Variants in FOXO3 observed in about 807,000 individuals in gnomAD.
The protein encoded by FOXO3 is forkhead box protein O3.
Under a neutral mutation model 41.9 loss-of-function variants are expected in FOXO3, and 4 were observed. That is an observed-to-expected ratio of 0.10 (90% CI 0.05 to 0.22). The LOEUF is 0.22. FOXO3 is among the 10% of genes least tolerant of loss of function. The pLI is 1.00. For missense variants in FOXO3, 534 were observed against 906.8 expected, an observed-to-expected ratio of 0.59 and a Z score of 5.28; for synonymous variants, 318 against 389.3, an observed-to-expected ratio of 0.82 and a Z score of 2.16.
intron 2 of FOXO3, among the ~76,000 whole-genome samples, chr6:108,674,970 C>T (rs1770526050): frequency 6.6e-6 from 1 of 152,150 alleles, no homozygotes; most frequent in African/African-American, 2.4e-5. Flanking sequence ...TACTAAATCT[C>T]TGCAACTTTG....
At chr6:108,656,274 G>T (rs1233275261) in intron 1 of FOXO3, 3 of 596,910 alleles carry the variant, frequency 5.0e-6, no homozygotes, top group East Asian at 2.8e-4. Context: ...AAGATAAATT[G>T]ATACCACATG....
At chr6:108,677,048 G>A (rs1272044438) in intron 2 of FOXO3, among the ~76,000 whole-genome samples, 1 of 152,200 alleles carries the variant, frequency 6.6e-6, no homozygotes, top group Non-Finnish European at 1.5e-5. Context: ...TTTGTCCTCT[G>A]CAAGAGTTGC....
intron 1 of FOXO3, among the ~76,000 whole-genome samples, chr6:108,653,516 G>T (rs1042904919): frequency 2.0e-5 from 3 of 152,168 alleles, no homozygotes; most frequent in African/African-American, 7.2e-5. Flanking sequence ...TTGGATTCAG[G>T]TGTGGCACTG....
rs1396177493 is a variant in FOXO3 at position 108,683,390 on chromosome 6, C to A, written c.*3598C>A. On this transcript the variant is annotated 3_prime_UTR_variant, in exon 3 of 3. Transcript: ENST00000406360. Reference sequence around the variant, plus strand: ...TGAACCCCACTTAAAGAATAAGGAGCATTTGAATCTCTTGGAAAAGGCCAT... The same window carrying A: ...TGAACCCCACTTAAAGAATAAGGAGAATTTGAATCTCTTGGAAAAGGCCAT... The A allele has an allele frequency of 6.6e-6, 1 of 152,100 alleles. No individual in the cohort carries two copies. Among genetic ancestry groups the A allele is most frequent in the South Asian group, 2.1e-4 (1 of 4,830 alleles). 9.4% of individuals were successfully genotyped at this position (152,100 alleles called of 1,614,324 possible).
At chr6:108,666,385 G>C (rs977200907) in intron 2 of FOXO3, among the ~76,000 whole-genome samples, 5 of 151,734 alleles carry the variant, frequency 3.3e-5, no homozygotes, top group Admixed American at 2.0e-4. Flanking sequence ...TCCCAGGCTG[G>C]AGTACAGTGG....
At chr6:108,625,549 G>A (rs1338603881) in intron 1 of FOXO3, among the ~76,000 whole-genome samples, 5 of 152,134 alleles carry the variant, frequency 3.3e-5, no homozygotes, top group Non-Finnish European at 7.4e-5. Flanking sequence ...AAGATTTGAT[G>A]GTTAAAAAGA....
In FOXO3 at chr6:108,605,408, C is replaced by T. The variant is rs184517051; in HGVS notation, c.621+43579C>T. Among the ~76,000 whole-genome samples, 37 of 143,216 alleles carry T rather than the reference C, an allele frequency of 2.6e-4. No individual in the cohort carries two copies. The East Asian group carries it at 5.4e-3, about 21-fold the overall frequency. The allele number at this position is 143,216 out of a possible 152,430, so 94.0% of individuals were successfully genotyped here. A position where few individuals can be genotyped will look rare whatever the true frequency, so the allele number is the denominator to read the frequency against. On this transcript the variant is annotated intron_variant, in intron 1 of 2. Coordinates refer to ENST00000406360, the MANE Select transcript of FOXO3 (RefSeq NM_001455.4). ...CTGGGATTACAGGTGTGAGCCACCG[C>T]GCCCAGTCCTACTATTTTTTTTCAT... is the stretch of plus-strand genomic sequence containing the variant.
At chr6:108,583,437 G>A (rs148627236) in intron 1 of FOXO3, among the ~76,000 whole-genome samples, 1 of 152,314 alleles carries the variant, frequency 6.6e-6, no homozygotes, top group East Asian at 1.9e-4. Flanking sequence ...TATATTGCAT[G>A]TAATGTTTCC....
At chr6:108,652,974 A>G (rs1215247869) in intron 1 of FOXO3, among the ~76,000 whole-genome samples, 1 of 152,214 alleles carries the variant, frequency 6.6e-6, no homozygotes, top group Non-Finnish European at 1.5e-5. Context: ...CGAGTAGCAC[A>G]CACCCTATCA....
At position 108,610,776 on chromosome 6, in the gene FOXO3, G is replaced by T. The variant is rs185881257; in HGVS notation, c.621+48947G>T. 1.4e-3 allele frequency among the ~76,000 whole-genome samples: 206 copies of T among 152,128 alleles called. 2 individuals are homozygous for T. The highest frequency in any genetic ancestry group is 4.6e-3 in the African/African-American group (191 of 41,472). On this transcript the variant is annotated intron_variant, in intron 1 of 2. Coordinates refer to ENST00000406360, the MANE Select transcript of FOXO3 (RefSeq NM_001455.4). ...TAATCCTGCTGTTTTTGTGGCATTT[G>T]GATAATTTTACAGTGACATAAAATT...
At chr6:108,657,490 A>G (rs1401733707) in intron 1 of FOXO3, among the ~76,000 whole-genome samples, 1 of 152,198 alleles carries the variant, frequency 6.6e-6, no homozygotes, top group Non-Finnish European at 1.5e-5. Context: ...TAAGGAAGGC[A>G]CATCCCTAGT....
At chr6:108,642,434 G>A (rs191239500) in intron 1 of FOXO3, among the ~76,000 whole-genome samples, 1 of 152,168 alleles carries the variant, frequency 6.6e-6, no homozygotes, top group Admixed American at 6.5e-5. Context: ...TGGCAAGGGG[G>A]ACTGCTGATA....
chr6:108,632,677 A>G (rs189783391), intron 1 of FOXO3, among the ~76,000 whole-genome samples: 3 of 152,174 alleles, frequency 2.0e-5, no homozygotes, highest in Non-Finnish European at 4.4e-5. Flanking sequence ...CGTTTGAGCT[A>G]GTGATCTGCT....
At chr6:108,667,563 TTC>T (rs1457207588) in intron 2 of FOXO3, among the ~76,000 whole-genome samples, 1 of 152,196 alleles carries the variant, frequency 6.6e-6, no homozygotes, top group African/African-American at 2.4e-5. Context: ...CAGCAGATCT[TTC>T]TCGTATATGT....
At chr6:108,676,949 A>G (rs1294882098) in intron 2 of FOXO3, among the ~76,000 whole-genome samples, 1 of 152,188 alleles carries the variant, frequency 6.6e-6, no homozygotes, top group Non-Finnish European at 1.5e-5. Flanking sequence ...TATCTTCTAT[A>G]TTTTCAGTGT....
At chr6:108,652,811 A>G (rs1372033931) in intron 1 of FOXO3, among the ~76,000 whole-genome samples, 2 of 152,168 alleles carry the variant, frequency 1.3e-5, no homozygotes, top group Non-Finnish European at 2.9e-5. Context: ...AGACTTTAGA[A>G]CCAGAATGTG....
rs1267990367 is a variant in FOXO3 at position 108,664,485 on chromosome 6, C to T, written c.1652C>T (p.Ser551Leu). 3 of 1,478,272 alleles carry T rather than the reference C, an allele frequency of 2.0e-6. No individual in the cohort carries two copies. Among genetic ancestry groups the T allele is most frequent in the Non-Finnish European group, 2.8e-6 (3 of 1,058,594 alleles). The allele number at this position is 1,478,272 out of a possible 1,614,324, so 91.6% of individuals were successfully genotyped here. A position where few individuals can be genotyped will look rare whatever the true frequency, so the allele number is the denominator to read the frequency against. ...GCTCTTGGTGGCAGCCGTGCCTTGT[C>T]GAATTCTGTCAGCAACATGGGCTTG... is the stretch of plus-strand genomic sequence containing the variant. ...QGALGGSRAL[S>L]NSVSNMGLSE... The change falls in exon 2 of 3, where the codon TCG becomes TTG. Residue 551 changes from serine to leucine, a missense_variant. Ser to Leu is a moderately radical substitution (Grantham distance 145). Around this residue, in one of 8 missense-constraint regions of FOXO3, gnomAD observed 94 missense variants for 214.4 expected, o/e 0.44. Transcript: ENST00000406360.
At chr6:108,665,202 A>T (rs1487381286) in intron 2 of FOXO3, among the ~76,000 whole-genome samples, 3 of 152,194 alleles carry the variant, frequency 2.0e-5, no homozygotes, top group Non-Finnish European at 2.9e-5. Context: ...CCTGTGACGC[A>T]GGTTGCCCTA....
At chr6:108,621,193 C>T (rs902677259) in intron 1 of FOXO3, among the ~76,000 whole-genome samples, 1 of 152,178 alleles carries the variant, frequency 6.6e-6, no homozygotes, top group Non-Finnish European at 1.5e-5. Flanking sequence ...CCATTAAGCA[C>T]TTTAAAAGCT....
Sources: allele counts gnomAD v4.1 joint callset (sites outside exome capture counted in the v4.1 genomes callset), GRCh38; gene constraint gnomAD v4.1.1; regional missense constraint gnomAD v4.1.1; transcripts MANE v1.5; gene names NCBI Gene and HGNC (gene_info 2026-07-23, HGNC 2026-07-21).